The following KCNN2 variants were observed in gnomAD, a reference collection of about 807,000 sequenced individuals.
The protein encoded by KCNN2 is small conductance calcium-activated potassium channel protein 2.
A neutral mutation model predicts 55.5 loss-of-function variants in KCNN2; 24 were observed. The observed-to-expected ratio is 0.43, with a 90% CI of 0.31 to 0.61. KCNN2 has a LOEUF of 0.61. KCNN2 is among the 20% of genes least tolerant of loss of function. KCNN2 has a pLI of 0.08. For missense variants in KCNN2, 754 were observed against 853.6 expected (o/e 0.88, Z 1.45); for synonymous variants, 431 against 336.1 (o/e 1.28, Z -3.09).
intron 2 of KCNN2, among the ~76,000 whole-genome samples, chr5:114,306,087 T>C (rs1469003944): frequency 6.6e-6 from 1 of 152,186 alleles, no homozygotes; most frequent in Admixed American, 6.5e-5. Context: ...CAGAGAGAAG[T>C]AGAGTTGTCA....
chr5:114,121,573 A>G (rs1580532231), intron 1 of KCNN2, among the ~76,000 whole-genome samples: 2 of 152,098 alleles, frequency 1.3e-5, no homozygotes, highest in Admixed American at 1.3e-4. Flanking sequence ...TCCTTTACCC[A>G]TAACCCCCCA....
chr5:114,194,086 G>GT (rs1388072357), intron 1 of KCNN2, among the ~76,000 whole-genome samples: 1 of 151,714 alleles, frequency 6.6e-6, no homozygotes, highest in Non-Finnish European at 1.5e-5. Context: ...AGTCACTTAG[G>GT]TTTTTTCTAC....
intron 1 of KCNN2, among the ~76,000 whole-genome samples, chr5:114,139,709 T>C (rs1752238491): frequency 6.6e-6 from 1 of 151,794 alleles, no homozygotes; most frequent in Non-Finnish European, 1.5e-5. Context: ...ACATATACAC[T>C]TGTATATTTT....
intron 1 of KCNN2, among the ~76,000 whole-genome samples, chr5:114,102,411 C>G (rs1326869904): frequency 6.6e-6 from 1 of 151,966 alleles, no homozygotes; most frequent in Admixed American, 6.6e-5. Flanking sequence ...ATGATAGTTT[C>G]TTTTGCTGTG....
intron 2 of KCNN2, among the ~76,000 whole-genome samples, chr5:114,281,058 G>T (rs751660361): frequency 2.6e-5 from 4 of 152,060 alleles, no homozygotes; most frequent in Non-Finnish European, 4.4e-5. Flanking sequence ...TCAGGTCAGT[G>T]CTCAAATACC....
intron 2 of KCNN2, among the ~76,000 whole-genome samples, chr5:114,332,343 C>A (rs1436753786): frequency 1.3e-5 from 2 of 152,122 alleles, no homozygotes; most frequent in African/African-American, 4.8e-5. Flanking sequence ...GTTTATTAGA[C>A]AAAAGAGAAC....
chr5:114,176,661 CA>C lies in KCNN2; in HGVS notation c.-270-44816del, dbSNP rs531229849. Among the ~76,000 whole-genome samples, 455 of 152,146 alleles carry C rather than the reference CA, an allele frequency of 3.0e-3. 3 individuals are homozygous for C. The highest frequency in any genetic ancestry group is 0.01 in the African/African-American group (433 of 41,528). ...ATGCAGATATAAAATAAACACATGT[CA>C]AAGGTGTTCTTCTACACATTTATTA... On this transcript the variant is annotated intron_variant, in intron 1 of 10. Coordinates refer to the KCNN2 transcript ENST00000512097.
intron 1 of KCNN2, among the ~76,000 whole-genome samples, chr5:114,165,802 T>C (rs528674988): frequency 6.6e-6 from 1 of 152,304 alleles, no homozygotes; most frequent in Non-Finnish European, 1.5e-5. Flanking sequence ...ATGGCATTGG[T>C]ACGCCTTCTA....
At chr5:114,345,499 T>G (rs1434981185) in intron 2 of KCNN2, among the ~76,000 whole-genome samples, 3 of 152,092 alleles carry the variant, frequency 2.0e-5, no homozygotes, top group Non-Finnish European at 4.4e-5. Flanking sequence ...TCAACCAGGA[T>G]GTAGGTGAAA....
At chr5:114,441,062 T>C (rs1235179992) in intron 3 of KCNN2, among the ~76,000 whole-genome samples, 2 of 152,136 alleles carry the variant, frequency 1.3e-5, no homozygotes, top group African/African-American at 2.4e-5. Flanking sequence ...CTGATAAAGA[T>C]AGTGTTAAAA....
intron 3 of KCNN2, among the ~76,000 whole-genome samples, chr5:114,445,235 T>C (rs1397865203): frequency 6.6e-6 from 1 of 152,196 alleles, no homozygotes; most frequent in African/African-American, 2.4e-5. Flanking sequence ...CCTTTTATGA[T>C]AAAGTGTATG....
intron 2 of KCNN2, among the ~76,000 whole-genome samples, chr5:114,352,341 T>C (rs774426259): frequency 1.1e-4 from 16 of 151,662 alleles, no homozygotes; most frequent in Admixed American, 2.6e-4. Flanking sequence ...GTCAGTCTAC[T>C]AAAGGTTCAT....
intron 2 of KCNN2, among the ~76,000 whole-genome samples, chr5:114,345,378 G>C (rs1757087759): frequency 6.6e-6 from 1 of 152,178 alleles, no homozygotes; most frequent in Admixed American, 6.5e-5. Flanking sequence ...CAATGGAGTA[G>C]GGACCTTCCT....
intron 1 of KCNN2, among the ~76,000 whole-genome samples, chr5:114,210,925 T>C (rs1185803578): frequency 6.6e-6 from 1 of 152,092 alleles, no homozygotes; most frequent in Non-Finnish European, 1.5e-5. Context: ...ACAGACACTT[T>C]TCAAGAGACA....
intron 1 of KCNN2, among the ~76,000 whole-genome samples, chr5:114,156,628 T>G (rs190823438): frequency 6.2e-4 from 95 of 152,296 alleles, no homozygotes; most frequent in African/African-American, 2.0e-3. Context: ...CTAGATATTT[T>G]ATTCTTTTTG....
At position 114,440,612 on chromosome 5, in the gene KCNN2, T is replaced by C. The variant is rs190135260; in HGVS notation, c.1638-22437T>C. On this transcript the variant is annotated intron_variant, in intron 3 of 7. Transcript: ENST00000673685. ...GGTTGAACTGAGGAGTTGGGTGACA[T>C]GGTACAGGTGTGATTAGATTTAAAG... Among the ~76,000 whole-genome samples the C allele has an allele frequency of 4.8e-3, 650 of 135,558 alleles. 3 individuals are homozygous for C. Among genetic ancestry groups the C allele is most frequent in the Admixed American group, 0.01 (114 of 11,214 alleles). 88.9% of individuals were successfully genotyped at this position (135,558 alleles called of 152,430 possible). A position where few individuals can be genotyped will look rare whatever the true frequency, so the allele number is the denominator to read the frequency against.
intron 2 of KCNN2, among the ~76,000 whole-genome samples, chr5:114,221,696 A>G (rs915069362): frequency 2.0e-5 from 3 of 152,196 alleles, no homozygotes; most frequent in Non-Finnish European, 4.4e-5. Flanking sequence ...ACTATTTTCA[A>G]TTTAGTGATT....
chr5:114,301,295 T>C (rs898292251), intron 2 of KCNN2, among the ~76,000 whole-genome samples: 6 of 152,202 alleles, frequency 3.9e-5, no homozygotes, highest in African/African-American at 1.2e-4. Context: ...TATCTCACTA[T>C]GTCTTGTGAG....
chr5:114,311,421 C>T (rs1260313259), intron 2 of KCNN2, among the ~76,000 whole-genome samples: 1 of 152,168 alleles, frequency 6.6e-6, no homozygotes, highest in African/African-American at 2.4e-5. Flanking sequence ...GGAACCTATT[C>T]AGCAAACGGC....
Sources: gnomAD v4.1 joint callset for allele counts (sites outside exome capture counted in the v4.1 genomes callset) on GRCh38, gnomAD v4.1.1 for gene constraint, MANE v1.5 for transcripts, NCBI Gene and HGNC (gene_info 2026-07-23, HGNC 2026-07-21) for gene names.